Variants in GAD2 observed in about 807,000 individuals in gnomAD.
GAD2 encodes the protein 65 kDa glutamic acid decarboxylase.
A neutral mutation model predicts 80.1 loss-of-function variants in GAD2; 22 were observed. The ratio of observed to expected loss-of-function variants is 0.27; its 90% CI spans 0.20 to 0.39. The LOEUF is 0.39. GAD2 is among the 10% of genes least tolerant of loss of function. GAD2 has a pLI of 1.00. For missense variants in GAD2, 624 were observed against 738.4 expected (o/e 0.85, Z 1.80); for synonymous variants, 274 against 256.9 (o/e 1.07, Z -0.64).
chr10:26,232,469 CTTTTTT>C (rs60636223), intron 7 of GAD2, among the ~76,000 whole-genome samples: 6 of 101,400 alleles, frequency 5.9e-5, no homozygotes, highest in African/African-American at 2.2e-4. Context: ...ACTCAGTCTA[CTTTTTT>C]TTTTTTTTTT....
At chr10:26,229,553 T>G (rs1844572306) in intron 6 of GAD2, 109 bp from the exon 7 acceptor site, 1 of 723,400 alleles carries the variant, frequency 1.4e-6, no homozygotes. Flanking sequence ...CAATAGGTTT[T>G]TCTTCTGAGT....
At chr10:26,285,724 G>T (rs1259741556) in intron 12 of GAD2, among the ~76,000 whole-genome samples, 1 of 151,390 alleles carries the variant, frequency 6.6e-6, no homozygotes, top group Non-Finnish European at 1.5e-5. Context: ...TATGACATTT[G>T]AAAGATTGGT....
At chr10:26,298,794 G>T (rs753267226) in intron 15 of GAD2, among the ~76,000 whole-genome samples, 31 of 152,222 alleles carry the variant, frequency 2.0e-4, no homozygotes, top group Admixed American at 1.2e-3. Context: ...ATTTATCTTC[G>T]CAGGAACCAC....
chr10:26,246,709 T>TA (rs1458345462), intron 8 of GAD2, among the ~76,000 whole-genome samples: 2 of 152,228 alleles, frequency 1.3e-5, no homozygotes, highest in East Asian at 3.8e-4. Context: ...ACCATGTCAC[T>TA]AGGCTCTAGA....
rs894969577 is a variant in GAD2 at position 26,301,172 on chromosome 10, G to A, written c.*211G>A. ...CCTCTCTAAGAATTCGTGACAAAAG[G>A]CTATGTTCTAATCAATAAGGAAAAG... On this transcript the variant is annotated 3_prime_UTR_variant, in exon 16 of 16. Coordinates refer to ENST00000376261, the MANE Select transcript of GAD2 (RefSeq NM_001134366.2). The A allele has an allele frequency of 6.1e-5, 32 of 525,202 alleles. No individual in the cohort carries two copies. The Admixed American group carries it at 1.0e-3, about 17-fold the overall frequency. The allele number at this position is 525,202 out of a possible 1,614,324, so 32.5% of individuals were successfully genotyped here.
intron 12 of GAD2, among the ~76,000 whole-genome samples, chr10:26,282,250 T>C (rs1349633065): frequency 1.3e-5 from 2 of 152,186 alleles, no homozygotes; most frequent in Admixed American, 1.3e-4. Context: ...GCCAAATATC[T>C]ATCTTCATTT....
rs751886371 is a variant in GAD2 at position 26,292,918 on chromosome 10, T to C, written c.1511T>C (p.Val504Ala). Reference protein sequence around the residue: ...VFDGKPQHTNVCFWYIPPSLR... With the variant: ...VFDGKPQHTNACFWYIPPSLR... ...TCTTTGTAGCCTCAGCACACAAATGTCTGCTTCTGGTACATTCCTCCAAGC... is the reference window on the plus strand; with the variant it reads ...TCTTTGTAGCCTCAGCACACAAATGCCTGCTTCTGGTACATTCCTCCAAGC... Residue 504 changes from valine to alanine, a missense_variant, in exon 15 of 16, where the codon GTC (valine) becomes GCC (alanine). By Grantham distance (64) the Val-to-Ala change is moderately conservative (BLOSUM62 0). Coordinates refer to ENST00000376261, the MANE Select transcript of GAD2 (RefSeq NM_001134366.2). 8.3e-5 allele frequency: 134 copies of C among 1,613,872 alleles called. No individual in the cohort carries two copies. Among genetic ancestry groups the C allele is most frequent in the Non-Finnish European group, 1.1e-4 (129 of 1,179,904 alleles).
intron 8 of GAD2, among the ~76,000 whole-genome samples, chr10:26,266,997 G>C (rs545487117): frequency 6.6e-6 from 1 of 152,062 alleles, no homozygotes; most frequent in African/African-American, 2.4e-5. Context: ...GAGAAGGTTC[G>C]ACTAGAATCA....
intron 8 of GAD2, among the ~76,000 whole-genome samples, chr10:26,268,582 A>G (rs1845098899): frequency 6.6e-6 from 1 of 152,008 alleles, no homozygotes; most frequent in Admixed American, 6.6e-5. Flanking sequence ...GGTTGAAAGG[A>G]TGTTTGAAAC....
chr10:26,274,330 C>G (rs1236573214), intron 11 of GAD2, among the ~76,000 whole-genome samples: 1 of 152,194 alleles, frequency 6.6e-6, no homozygotes, highest in Non-Finnish European at 1.5e-5. Flanking sequence ...CTGAAAAACA[C>G]AAAGGCAGTG....
rs1844574274 is a variant in GAD2, at chr10:26,229,679, A to G, written c.742A>G (p.Met248Val). Residue 248 changes from methionine (M) to valine (V), a missense_variant, in exon 7 of 16, where the codon ATG becomes GTG. Coordinates refer to ENST00000376261, the MANE Select transcript of GAD2 (RefSeq NM_001134366.2). ...CACTTTAGGTGGCGCCATATCTAAC[A>G]TGTATGCCATGATGATCGCACGCTT... ...IFSPGGAISN[M>V]YAMMIARFKM... The G allele has an allele frequency of 6.2e-7, 1 of 1,613,936 alleles. No individual in the cohort carries two copies.
intron 8 of GAD2, among the ~76,000 whole-genome samples, chr10:26,263,587 T>C (rs1193090259): frequency 6.6e-6 from 1 of 152,256 alleles, no homozygotes; most frequent in Non-Finnish European, 1.5e-5. Flanking sequence ...ATGCAGTTTC[T>C]GTAGTCACTA....
intron 7 of GAD2, among the ~76,000 whole-genome samples, chr10:26,234,243 G>A (rs187287178): frequency 1.6e-3 from 246 of 151,268 alleles, no homozygotes; most frequent in African/African-American, 5.9e-3. Context: ...AGAATCACTG[G>A]AACCCGGGAG....
intron 12 of GAD2, among the ~76,000 whole-genome samples, chr10:26,285,869 G>A (rs904584568): frequency 4.0e-5 from 6 of 151,828 alleles, no homozygotes; most frequent in Non-Finnish European, 8.8e-5. Context: ...ACAGCTAAAT[G>A]ATAAAGTACT....
chr10:26,219,346 ATGTTT>A, intron 4 of GAD2, 70 bp downstream of exon 4: 1 of 1,075,232 alleles, frequency 9.3e-7, no homozygotes, highest in Non-Finnish European at 1.3e-6. Flanking sequence ...TTTCTATAAA[ATGTTT>A]TGTTTGATGG....
intron 8 of GAD2, among the ~76,000 whole-genome samples, chr10:26,267,198 C>A (rs1217075620): frequency 6.6e-6 from 1 of 152,088 alleles, no homozygotes; most frequent in Non-Finnish European, 1.5e-5. Context: ...GGGTAAAATT[C>A]AAGATTTGCA....
intron 11 of GAD2, among the ~76,000 whole-genome samples, chr10:26,274,958 G>T (rs1845181270): frequency 6.6e-6 from 1 of 152,206 alleles, no homozygotes; most frequent in Non-Finnish European, 1.5e-5. Context: ...AGCTCTGATT[G>T]CAGGGCCCCA....
chr10:26,282,806 C>G (rs1589152260), intron 12 of GAD2, among the ~76,000 whole-genome samples: 2 of 152,190 alleles, frequency 1.3e-5, no homozygotes, highest in East Asian at 3.8e-4. Flanking sequence ...CACAGCACGC[C>G]TTCTGTGTCT....
chr10:26,246,194 C>T (rs1465795558), intron 8 of GAD2, among the ~76,000 whole-genome samples, 194 bp downstream of exon 8: 3 of 152,206 alleles, frequency 2.0e-5, no homozygotes, highest in Non-Finnish European at 4.4e-5. Context: ...GCCATGGAGC[C>T]TTCCACAGCC....
Sources: gnomAD v4.1 joint callset for allele counts (sites outside exome capture counted in the v4.1 genomes callset) on GRCh38, gnomAD v4.1.1 for gene constraint, MANE v1.5 for transcripts, NCBI Gene and HGNC (gene_info 2026-07-23, HGNC 2026-07-21) for gene names.